KATNBL1: variants seen among roughly 807,000 people sequenced by gnomAD.
KATNBL1 encodes the protein katanin regulatory subunit B1 like 1, also known as KATNB1-like protein 1.
In KATNBL1, 28 loss-of-function variants were observed where a neutral mutation model predicts 44.7. That is an observed-to-expected ratio of 0.63 (90% CI 0.46 to 0.86). The LOEUF is 0.86. Ranked by LOEUF, KATNBL1 falls within the 40% of genes least tolerant of loss-of-function variation. The pLI, the probability that KATNBL1 is intolerant of heterozygous loss-of-function variation, is 0.00. For missense variants in KATNBL1, 272 were observed against 350.7 expected (o/e 0.78, Z 1.79); for synonymous variants, 78 against 114.9 (o/e 0.68, Z 2.06).
At chr15:34,190,038 G>A (rs754522609) in intron 1 of KATNBL1, among the ~76,000 whole-genome samples, 39 of 151,590 alleles carry the variant, frequency 2.6e-4, no homozygotes, top group East Asian at 1.9e-4. Context: ...TCCGCCTCCC[G>A]GGTTCATGCC....
At chr15:34,196,729 AAAAGAAAG>A (rs568143095) in intron 1 of KATNBL1, among the ~76,000 whole-genome samples, 7 of 152,136 alleles carry the variant, frequency 4.6e-5, no homozygotes. Context: ...CTCCGTCTCA[AAAAGAAAG>A]AAAGAAAGAA....
At chr15:34,154,719 C>A (rs1433757335) in intron 2 of KATNBL1, 35 bp from the exon 3 acceptor site, 1 of 1,397,084 alleles carries the variant, frequency 7.2e-7, no homozygotes, top group African/African-American at 1.4e-5. Flanking sequence ...ATGTTAGAAA[C>A]AAATGCTTGG....
At chr15:34,175,058 A>C (rs959579567) in intron 1 of KATNBL1, among the ~76,000 whole-genome samples, 1 of 151,882 alleles carries the variant, frequency 6.6e-6, no homozygotes, top group African/African-American at 2.4e-5. Flanking sequence ...AAGACCAGCC[A>C]GGGCAACATA....
chr15:34,203,735 T>C (rs539567075), intron 1 of KATNBL1, among the ~76,000 whole-genome samples: 33 of 152,292 alleles, frequency 2.2e-4, no homozygotes, highest in African/African-American at 7.7e-4. Flanking sequence ...GTCTCCAGGC[T>C]GGAGTGCAGT....
rs1384324232 is a variant in KATNBL1, at chr15:34,152,841, A to T, written c.387T>A (p.Gly129=). 2 of 1,613,700 alleles carry T rather than the reference A, an allele frequency of 1.2e-6. No individual in the cohort carries two copies. Among genetic ancestry groups the T allele is most frequent in the Non-Finnish European group, 1.7e-6 (2 of 1,179,766 alleles). ...RTYLVNSSDS[G]SSQTESPSSK... ...ATGATGGGCTTTCTGTCTGTGAAGA[A>T]CCAGAATCACTGGAGTTAACCAAAT... The change falls in exon 4 of 10, where the codon GGT becomes GGA. Residue 129 remains glycine, a synonymous_variant. Coordinates refer to ENST00000256544, the MANE Select transcript of KATNBL1 (RefSeq NM_024713.3).
intron 1 of KATNBL1, among the ~76,000 whole-genome samples, chr15:34,194,148 G>A (rs1330145352): frequency 6.6e-6 from 1 of 152,020 alleles, no homozygotes; most frequent in African/African-American, 2.4e-5. Context: ...CTCCATATTG[G>A]CCAGGCTGGT....
intron 3 of KATNBL1, among the ~76,000 whole-genome samples, chr15:34,154,375 TC>T (rs2140912877): frequency 6.6e-6 from 1 of 152,322 alleles, no homozygotes; most frequent in South Asian, 2.1e-4. Context: ...GCTATATGAT[TC>T]TGAACAAATC....
intron 1 of KATNBL1, among the ~76,000 whole-genome samples, chr15:34,167,985 T>G (rs1327556756): frequency 1.3e-5 from 2 of 152,150 alleles, no homozygotes; most frequent in East Asian, 3.9e-4. Context: ...TGCAAAAATA[T>G]GCCAAATTGT....
In KATNBL1 at chr15:34,140,867, T is replaced by C. The variant is rs1399072189; in HGVS notation, c.*1472A>G. The C allele has an allele frequency of 1.3e-5, 2 of 152,178 alleles. No individual in the cohort carries two copies. Among genetic ancestry groups the C allele is most frequent in the Non-Finnish European group, 2.9e-5 (2 of 67,998 alleles). The allele number at this position is 152,178 out of a possible 1,614,324, so 9.4% of individuals were successfully genotyped here. A position where few individuals can be genotyped will look rare whatever the true frequency, so the allele number is the denominator to read the frequency against. On this transcript the variant is annotated 3_prime_UTR_variant, in exon 10 of 10. Transcript: ENST00000256544. ...ACCAATTATTACAATTCATGTTCACTGTGAGGAATATCTAGCTATATAAAA... is the reference window on the plus strand; with the variant it reads ...ACCAATTATTACAATTCATGTTCACCGTGAGGAATATCTAGCTATATAAAA...
intron 4 of KATNBL1, among the ~76,000 whole-genome samples, chr15:34,149,928 A>T (rs914732892): frequency 1.3e-5 from 2 of 152,182 alleles, no homozygotes; most frequent in Non-Finnish European, 2.9e-5. Context: ...TACATACCAT[A>T]ATTTATTTAG....
chr15:34,171,413 G>A (rs575403801), intron 1 of KATNBL1, among the ~76,000 whole-genome samples: 1 of 152,264 alleles, frequency 6.6e-6, no homozygotes, highest in East Asian at 1.9e-4. Flanking sequence ...TTAGAATGGT[G>A]ATCATTAAAA....
In KATNBL1 at chr15:34,142,285, A is replaced by C. The variant is rs923600482; in HGVS notation, c.*54T>G. 1.3e-6 allele frequency: 2 copies of C among 1,490,992 alleles called. No homozygotes were observed. Among genetic ancestry groups the C allele is most frequent in the African/African-American group, 2.9e-5 (2 of 68,962 alleles). 92.4% of individuals were successfully genotyped at this position (1,490,992 alleles called of 1,614,324 possible). On this transcript the variant is annotated 3_prime_UTR_variant, in exon 10 of 10. Coordinates refer to ENST00000256544, the MANE Select transcript of KATNBL1 (RefSeq NM_024713.3). ...ACGAGACTTTTTTTTTTTGTAAATT[A>C]TACAGTTCAGGGATGTTTTGAAAAA...
At chr15:34,180,978 C>T (rs142991230) in intron 1 of KATNBL1, among the ~76,000 whole-genome samples, 12 of 152,266 alleles carry the variant, frequency 7.9e-5, no homozygotes, top group African/African-American at 2.9e-4. Flanking sequence ...TTCCTTCTTC[C>T]ACTGTCAGAA....
intron 1 of KATNBL1, among the ~76,000 whole-genome samples, chr15:34,196,072 A>G (rs1038874497): frequency 2.6e-5 from 4 of 152,194 alleles, no homozygotes; most frequent in African/African-American, 9.7e-5. Flanking sequence ...ATAAAATAAA[A>G]AGATTCATTA....
At chr15:34,159,192 G>T (rs1196385358) in intron 2 of KATNBL1, among the ~76,000 whole-genome samples, 1 of 151,962 alleles carries the variant, frequency 6.6e-6, no homozygotes, top group East Asian at 1.9e-4. Flanking sequence ...GCTACAGATT[G>T]AATACATTTA....
intron 1 of KATNBL1, among the ~76,000 whole-genome samples, chr15:34,175,679 T>A (rs116987108): frequency 0.02 from 3,008 of 152,234 alleles, 42 homozygotes; most frequent in Admixed American, 0.036. Context: ...AGACAGACAA[T>A]AACAATGTTG....
intron 1 of KATNBL1, among the ~76,000 whole-genome samples, chr15:34,180,419 T>C (rs1889483329): frequency 6.6e-6 from 1 of 152,220 alleles, no homozygotes; most frequent in Non-Finnish European, 1.5e-5. Flanking sequence ...CTTCCCTGAC[T>C]CTTTCTGTTC....
chr15:34,145,348 T>C (rs758238301), intron 9 of KATNBL1, 50 bp downstream of exon 9: 7 of 1,332,088 alleles, frequency 5.3e-6, no homozygotes, highest in Non-Finnish European at 6.9e-6. Context: ...AAATGTAAAA[T>C]ATTATTTCTA....
intron 9 of KATNBL1, among the ~76,000 whole-genome samples, chr15:34,144,436 ATT>A (rs1888250029): frequency 6.6e-6 from 1 of 150,680 alleles, no homozygotes. Context: ...ATATATATAT[ATT>A]TTTAAAACCA....
Sources: gnomAD v4.1 joint callset for allele counts (sites outside exome capture counted in the v4.1 genomes callset) on GRCh38, gnomAD v4.1.1 for gene constraint, MANE v1.5 for transcripts, NCBI Gene and HGNC (gene_info 2026-07-23, HGNC 2026-07-21) for gene names.